Variants in GABRG3 observed in about 807,000 individuals in gnomAD.
GABRG3 encodes gamma-aminobutyric acid type A receptor subunit gamma3.
Under a neutral mutation model 48.8 loss-of-function variants are expected in GABRG3, and 25 were observed. That is an observed-to-expected ratio of 0.51 (90% CI 0.37 to 0.72). GABRG3 has a LOEUF of 0.72. Ranked by LOEUF, GABRG3 falls within the 30% of genes least tolerant of loss-of-function variation. GABRG3 has a pLI of 0.00. For missense variants in GABRG3, 394 were observed against 577.9 expected, an observed-to-expected ratio of 0.68 and a Z score of 3.26; for synonymous variants, 227 against 217.6, an observed-to-expected ratio of 1.04 and a Z score of -0.38.
chr15:27,075,839 G>A (rs1896901280), intron 3 of GABRG3, among the ~76,000 whole-genome samples: 1 of 152,288 alleles, frequency 6.6e-6, no homozygotes, highest in Admixed American at 6.5e-5. Flanking sequence ...TGAGGAGTGT[G>A]AAGGATTCCA....
intron 5 of GABRG3, among the ~76,000 whole-genome samples, chr15:27,351,200 TGTGTATGGTGTTTGTGC>T (rs1220353608): frequency 6.7e-6 from 1 of 150,240 alleles, no homozygotes; most frequent in Non-Finnish European, 1.5e-5. Context: ...GGTATGTTTG[TGTGTATGGTGTTTGTGC>T]GTGTATGGTG....
At chr15:27,380,938 T>C (rs901689175) in intron 5 of GABRG3, among the ~76,000 whole-genome samples, 2 of 151,980 alleles carry the variant, frequency 1.3e-5, no homozygotes, top group African/African-American at 4.8e-5. Context: ...GCTAATTTTT[T>C]ATATTTTTAG....
intron 2 of GABRG3, among the ~76,000 whole-genome samples, chr15:27,005,800 G>A (rs1021184838): frequency 6.6e-6 from 1 of 152,176 alleles, no homozygotes; most frequent in South Asian, 2.1e-4. Flanking sequence ...CCTAGATCAA[G>A]TAGAGTCTAC....
chr15:27,407,029 G>A (rs1162146272), intron 5 of GABRG3, among the ~76,000 whole-genome samples: 1 of 152,080 alleles, frequency 6.6e-6, no homozygotes, highest in African/African-American at 2.4e-5. Flanking sequence ...CTAGGTTCAA[G>A]CAATTCTCCT....
intron 5 of GABRG3, among the ~76,000 whole-genome samples, chr15:27,412,082 G>C (rs1481181025): frequency 6.6e-6 from 1 of 151,816 alleles, no homozygotes; most frequent in African/African-American, 2.4e-5. Context: ...TCATTTTTCT[G>C]TGAGTCTGTA....
chr15:27,531,023 G>C lies in GABRG3; in HGVS notation c.1123-1577G>C, dbSNP rs1891410886. 3 of 259,720 alleles carry C rather than the reference G, an allele frequency of 1.2e-5. No individual in the cohort carries two copies. In the Admixed American group the frequency reaches 1.5e-4, roughly 13 times the overall value. The allele number at this position is 259,720 out of a possible 1,614,324, so 16.1% of individuals were successfully genotyped here. On this transcript the variant is annotated intron_variant, in intron 9 of 9. Transcript: ENST00000615808. ...CTTGGCGATGTTTACACCCACTCGG[G>C]ACAAAGAACATTAACCTAGAAGAGA... is the stretch of plus-strand genomic sequence containing the variant.
chr15:27,265,187 A>C (rs1157276085), intron 3 of GABRG3, among the ~76,000 whole-genome samples: 1 of 152,094 alleles, frequency 6.6e-6, no homozygotes, highest in East Asian at 1.9e-4. Flanking sequence ...CCTAATTGCC[A>C]ATCTCACCAA....
intron 3 of GABRG3, among the ~76,000 whole-genome samples, chr15:27,210,139 A>T (rs1889024429): frequency 6.6e-6 from 1 of 152,212 alleles, no homozygotes; most frequent in Non-Finnish European, 1.5e-5. Flanking sequence ...GAAAGCTTCC[A>T]AAGGAGGTGG....
At chr15:27,129,726 TC>T (rs1358496737) in intron 3 of GABRG3, among the ~76,000 whole-genome samples, 1 of 150,278 alleles carries the variant, frequency 6.7e-6, no homozygotes, top group Non-Finnish European at 1.5e-5. Context: ...TTTTTTTTTT[TC>T]ATAACAGCCA....
chr15:27,101,381 T>A (rs1001372509), intron 3 of GABRG3, among the ~76,000 whole-genome samples: 1 of 152,226 alleles, frequency 6.6e-6, no homozygotes, highest in Non-Finnish European at 1.5e-5. Flanking sequence ...GATGTCCATT[T>A]TTCCTTACGT....
chr15:26,998,353 T>A (rs1895379001), intron 2 of GABRG3, among the ~76,000 whole-genome samples: 1 of 152,214 alleles, frequency 6.6e-6, no homozygotes, highest in Non-Finnish European at 1.5e-5. Flanking sequence ...TTAATCCTTA[T>A]GGCATTCTTC....
In GABRG3 at chr15:27,308,177, T is replaced by TCCAAACATATATAAACATGTTTATAC. The variant is rs1264782213; in HGVS notation, c.271-18632_271-18631insCCAAACATATATAAACATGTTTATAC. On this transcript the variant is annotated intron_variant, in intron 3 of 9. Transcript: ENST00000615808. ...ACATATATAAACATATATGTTTATATATCCAAACATATATAAACATGTTTA... is the reference window on the plus strand; with the variant it reads ...ACATATATAAACATATATGTTTATATCCAAACATATATAAACATGTTTATACATCCAAACATATATAAACATGTTTA... 3.9e-5 allele frequency among the ~76,000 whole-genome samples: 2 copies of TCCAAACATATATAAACATGTTTATAC among 50,836 alleles called. 1 individual carries two copies. Among genetic ancestry groups the TCCAAACATATATAAACATGTTTATAC allele is most frequent in the Non-Finnish European group, 1.0e-4 (2 of 19,334 alleles). The allele number at this position is 50,836 out of a possible 152,430, so 33.4% of individuals were successfully genotyped here.
chr15:27,132,666 T>C (rs2140384023), intron 3 of GABRG3, among the ~76,000 whole-genome samples: 1 of 151,556 alleles, frequency 6.6e-6, no homozygotes, highest in South Asian at 2.1e-4. Flanking sequence ...CTTTCATCTT[T>C]TGGTGCTGAG....
rs1269940849 is a variant in GABRG3 at position 27,313,238 on chromosome 15, A to ATGTGTG, written c.271-13570_271-13569insGTGTGT. ...TATGTATATATATACGTATATGTAT[A>ATGTGTG]TATGTGTGTGTGTGTGTGTGTGTGT... On this transcript the variant is annotated intron_variant, in intron 3 of 9. Transcript: ENST00000615808. Among the ~76,000 whole-genome samples, 39 of 77,578 alleles carry ATGTGTG rather than the reference A, an allele frequency of 5.0e-4. 1 individual carries two copies. The highest frequency in any genetic ancestry group is 7.8e-4 in the Non-Finnish European group (32 of 40,984). 50.9% of individuals were successfully genotyped at this position (77,578 alleles called of 152,430 possible). A position where few individuals can be genotyped will look rare whatever the true frequency, so the allele number is the denominator to read the frequency against.
Position 27,098,147 on chromosome 15 carries a change from A to G in GABRG3, c.270+71326A>G, listed in dbSNP as rs111381144. On this transcript the variant is annotated intron_variant, in intron 3 of 9. Coordinates refer to ENST00000615808, the MANE Select transcript of GABRG3 (RefSeq NM_033223.5). ...GATTCAGTCTTTTAAAAAATACTGA[A>G]TGTTGGCCAGGTGTGGTGGCTCACG... 5.8e-3 allele frequency among the ~76,000 whole-genome samples: 882 copies of G among 152,236 alleles called. 10 individuals carry two copies. Among genetic ancestry groups the G allele is most frequent in the African/African-American group, 0.02 (828 of 41,546 alleles).
At chr15:27,016,412 T>A (rs575376612) in intron 2 of GABRG3, among the ~76,000 whole-genome samples, 1 of 152,212 alleles carries the variant, frequency 6.6e-6, no homozygotes, top group Admixed American at 6.5e-5. Flanking sequence ...TTCAGCATTT[T>A]GAATATATTA....
At chr15:27,082,978 A>G (rs1897016181) in intron 3 of GABRG3, among the ~76,000 whole-genome samples, 1 of 152,146 alleles carries the variant, frequency 6.6e-6, no homozygotes, top group African/African-American at 2.4e-5. Flanking sequence ...TTCTCCGTTA[A>G]CCATTTATCT....
At chr15:27,145,691 G>A (rs1034115374) in intron 3 of GABRG3, among the ~76,000 whole-genome samples, 1 of 87,984 alleles carries the variant, frequency 1.1e-5, no homozygotes, top group African/African-American at 3.4e-5. Flanking sequence ...GTGAGAAAGA[G>A]AATTAATATT....
intron 5 of GABRG3, among the ~76,000 whole-genome samples, chr15:27,467,738 C>T (rs1378036832): frequency 6.6e-6 from 1 of 152,166 alleles, no homozygotes; most frequent in African/African-American, 2.4e-5. Flanking sequence ...GCATGTATCT[C>T]CTCTCATATT....
Sources: gnomAD v4.1 joint callset for allele counts (sites outside exome capture counted in the v4.1 genomes callset) on GRCh38, gnomAD v4.1.1 for gene constraint, MANE v1.5 for transcripts, NCBI Gene and HGNC (gene_info 2026-07-23, HGNC 2026-07-21) for gene names.